DOCK10: variants seen among roughly 807,000 people sequenced by gnomAD.
DOCK10 encodes dedicator of cytokinesis protein 10.
Under a neutral mutation model 280.1 loss-of-function variants are expected in DOCK10, and 145 were observed. That is an observed-to-expected ratio of 0.52 (90% CI 0.45 to 0.59). The LOEUF (loss-of-function observed/expected upper bound fraction) is 0.59, where lower values mean the gene tolerates loss of function less well. Ranked by LOEUF, DOCK10 falls within the 20% of genes least tolerant of loss-of-function variation. The pLI is 0.00. For missense variants in DOCK10, 2,368 were observed against 2,651.7 expected (o/e 0.89, Z 2.35); for synonymous variants, 915 against 942.2 (o/e 0.97, Z 0.53).
intron 15 of DOCK10, among the ~76,000 whole-genome samples, chr2:224,856,314 A>G (rs1330700890): frequency 2.6e-5 from 4 of 152,168 alleles, no homozygotes; most frequent in Non-Finnish European, 5.9e-5. Context: ...TATGTTTATA[A>G]CAGATCACCC....
chr2:224,766,303 A>G (rs933289085), intron 55 of DOCK10, among the ~76,000 whole-genome samples: 2 of 152,344 alleles, frequency 1.3e-5, no homozygotes, highest in African/African-American at 2.4e-5. Flanking sequence ...ATTGATTCAA[A>G]CAATGACGTG....
chr2:224,806,381 G>A (rs927235910), intron 33 of DOCK10, 144 bp from the exon 34 acceptor site: 2 of 510,994 alleles, frequency 3.9e-6, no homozygotes, highest in African/African-American at 2.0e-5. Flanking sequence ...TGCTAAAGTA[G>A]GCAGTGAAAA....
intron 14 of DOCK10, chr2:224,861,047 T>C (rs1049872360): frequency 6.6e-6 from 1 of 152,222 alleles, no homozygotes; most frequent in African/African-American, 2.4e-5. Flanking sequence ...CCCAGTAGGT[T>C]TTCTGGAGGG....
At chr2:224,976,034 T>A (rs1280746132) in intron 1 of DOCK10, among the ~76,000 whole-genome samples, 1 of 152,212 alleles carries the variant, frequency 6.6e-6, no homozygotes, top group African/African-American at 2.4e-5. Context: ...ACCAGCATAC[T>A]GTGGATTTCT....
At chr2:224,863,937 C>T (rs184785261) in intron 13 of DOCK10, among the ~76,000 whole-genome samples, 225 of 152,270 alleles carry the variant, frequency 1.5e-3, no homozygotes, top group African/African-American at 5.1e-3. Context: ...TCATCATCAG[C>T]ATTGCTGATG....
intron 1 of DOCK10, chr2:224,947,066 G>C: frequency 2.9e-6 from 4 of 1,402,610 alleles, no homozygotes; most frequent in Non-Finnish European, 3.7e-6. Flanking sequence ...AAAGGGAAAT[G>C]CTCATGCTAC....
At chr2:224,827,262 CAAAA>C (rs111476278) in intron 27 of DOCK10, among the ~76,000 whole-genome samples, 3 of 110,042 alleles carry the variant, frequency 2.7e-5, no homozygotes, top group Non-Finnish European at 4.0e-5. Context: ...AACTCCGTCT[CAAAA>C]AAAAAAAAAA....
intron 13 of DOCK10, 33 bp downstream of exon 13, chr2:224,864,520 G>A (rs1697736975): frequency 5.3e-6 from 8 of 1,498,044 alleles, no homozygotes; most frequent in Middle Eastern, 1.7e-4. Context: ...AAAAAAAAAA[G>A]GAAGTGAAGT....
chr2:224,775,428 C>T (rs909798620), intron 51 of DOCK10, among the ~76,000 whole-genome samples: 4 of 152,088 alleles, frequency 2.6e-5, no homozygotes, highest in Admixed American at 2.6e-4. Flanking sequence ...AATGTTCAAT[C>T]GCCTTTGTCT....
chr2:224,803,936 G>A (rs1693189653), intron 39 of DOCK10, among the ~76,000 whole-genome samples, 176 bp downstream of exon 39: 1 of 151,738 alleles, frequency 6.6e-6, no homozygotes, highest in Non-Finnish European at 1.5e-5. Context: ...TATCTAAGAA[G>A]TTTCTTTAGG....
intron 11 of DOCK10, among the ~76,000 whole-genome samples, chr2:224,867,403 G>A (rs1698000128): frequency 6.6e-6 from 1 of 152,226 alleles, no homozygotes; most frequent in East Asian, 1.9e-4. Context: ...ACACACCCAC[G>A]ACAGGCTGCT....
intron 15 of DOCK10, among the ~76,000 whole-genome samples, chr2:224,856,039 T>A (rs1392705668): frequency 2.0e-5 from 3 of 152,210 alleles, no homozygotes; most frequent in African/African-American, 4.8e-5. Flanking sequence ...CAGTGAAGCC[T>A]CATTGATAGG....
At chr2:224,920,912 C>T (rs980812662) in intron 2 of DOCK10, among the ~76,000 whole-genome samples, 1 of 150,492 alleles carries the variant, frequency 6.6e-6, no homozygotes, top group Non-Finnish European at 1.5e-5. Context: ...CCTGTTCCAT[C>T]TATGTAGTAA....
chr2:224,872,991 C>T (rs954916497), intron 11 of DOCK10, among the ~76,000 whole-genome samples: 1 of 152,108 alleles, frequency 6.6e-6, no homozygotes, highest in Non-Finnish European at 1.5e-5. Context: ...AAAAAGTTCC[C>T]TTCCCACACA....
rs2125937500 is a variant in DOCK10 at position 224,916,701 on chromosome 2, A to C, written c.327T>G (p.Val109=). ...DAEHKAENLL[V]KEACKFYSSQ... The stretch of plus-strand genomic sequence containing the variant: ...TTGGAAGCATCACATTTACCTCCTT[A>C]ACCAGTAAATTTTCTGCCTTGTGCT... Residue 109 remains valine, a synonymous_variant, in exon 3 of 56, where the codon GTT becomes GTG. Coordinates refer to ENST00000258390, the MANE Select transcript of DOCK10 (RefSeq NM_014689.3). 1 of 1,607,574 alleles carries C rather than the reference A, an allele frequency of 6.2e-7. No individual in the cohort carries two copies. Among genetic ancestry groups the C allele is most frequent in the Non-Finnish European group, 8.5e-7 (1 of 1,176,428 alleles).
intron 14 of DOCK10, chr2:224,861,213 G>A (rs1039870731): frequency 3.3e-5 from 5 of 152,190 alleles, no homozygotes; most frequent in African/African-American, 1.2e-4. Flanking sequence ...CCTGGCATTA[G>A]TTGTTCCTAT....
intron 27 of DOCK10, among the ~76,000 whole-genome samples, chr2:224,828,021 C>A (rs1163627913): frequency 6.6e-6 from 1 of 152,152 alleles, no homozygotes; most frequent in Non-Finnish European, 1.5e-5. Context: ...TCCTCCCATG[C>A]AAGATGATAT....
intron 3 of DOCK10, among the ~76,000 whole-genome samples, chr2:224,908,416 TGTG>T (rs1700804800): frequency 2.1e-4 from 3 of 14,086 alleles, no homozygotes; most frequent in Non-Finnish European, 3.7e-4. Flanking sequence ...CATCATCGTT[TGTG>T]TGTGTGTGTG....
At chr2:224,871,512 A>G (rs761718804) in intron 11 of DOCK10, among the ~76,000 whole-genome samples, 1 of 152,190 alleles carries the variant, frequency 6.6e-6, no homozygotes, top group Non-Finnish European at 1.5e-5. Flanking sequence ...GCTTTAAACC[A>G]TTGAATAGCT....
Sources: allele counts gnomAD v4.1 joint callset (sites outside exome capture counted in the v4.1 genomes callset), GRCh38; gene constraint gnomAD v4.1.1; transcripts MANE v1.5; gene names NCBI Gene and HGNC (gene_info 2026-07-23, HGNC 2026-07-21).